The following UBA1 variants were observed in gnomAD, a reference collection of about 807,000 sequenced individuals.
The protein encoded by UBA1 is ubiquitin-like modifier-activating enzyme 1.
Under a neutral mutation model 84.7 loss-of-function variants are expected in UBA1, and 4 were observed. The observed-to-expected ratio is 0.05, with a 90% CI of 0.02 to 0.11. The LOEUF (loss-of-function observed/expected upper bound fraction) is 0.11, where lower values mean the gene tolerates loss of function less well. Ranked by LOEUF, UBA1 falls within the 10% of genes least tolerant of loss-of-function variation. The pLI, the probability that UBA1 is intolerant of heterozygous loss-of-function variation, is 1.00. For missense variants in UBA1, 513 were observed against 902.8 expected, an observed-to-expected ratio of 0.57 and a Z score of 5.53; for synonymous variants, 364 against 362.6, an observed-to-expected ratio of 1.00 and a Z score of -0.04.
intron 1 of UBA1, chrX:47,197,721 G>T (rs1220129418): frequency 2.7e-5 from 16 of 603,562 alleles, no homozygotes; most frequent in Non-Finnish European, 3.0e-5. Flanking sequence ...CTGGGTCAGG[G>T]TCATGGAGGG....
chrX:47,207,480 C>T (rs1476159199), intron 16 of UBA1, among the ~76,000 whole-genome samples: 2 of 112,140 alleles, frequency 1.8e-5, no homozygotes, highest in African/African-American at 6.5e-5. Flanking sequence ...TCATCCTGGG[C>T]TGCATATGGG....
chrX:47,199,522 G>C lies in UBA1; in HGVS notation c.388G>C (p.Val130Leu), dbSNP rs782523969. Residue 130 changes from valine (V) to leucine (L), a missense_variant, in exon 5 of 26, where the codon GTA (valine) becomes CTA (leucine). Around this residue, in one of 6 missense-constraint regions of UBA1, gnomAD observed 227 missense variants for 339.1 expected, o/e 0.67. Coordinates refer to ENST00000335972, the MANE Select transcript of UBA1 (RefSeq NM_003334.4). Reference protein sequence around the residue: ...EEDIGKNRAEVSQPRLAELNS... With the variant: ...EEDIGKNRAELSQPRLAELNS... The stretch of plus-strand genomic sequence containing the variant: ...GGACATCGGTAAAAACCGGGCCGAG[G>C]TATCACAGCCCCGCCTCGCTGAGCT... The C allele has an allele frequency of 1.1e-4, 139 of 1,209,996 alleles. No homozygotes were observed. The highest frequency in any genetic ancestry group is 1.4e-4 in the Non-Finnish European group (129 of 895,207).
Position 47,214,907 on chromosome X carries a change from A to T in UBA1, c.3155A>T (p.Tyr1052Phe). The T allele has an allele frequency of 8.3e-7, 1 of 1,209,056 alleles. No homozygotes were observed. Among genetic ancestry groups the T allele is most frequent in the Middle Eastern group, 2.3e-4 (1 of 4,347 alleles). ...AGCGGCGAGGATGTCGAGGTTCCCT[A>T]TGTCCGATACACCATCCGCTGACCC... ...DESGEDVEVP[Y>F]VRYTIR Residue 1052 changes from tyrosine to phenylalanine, a missense_variant, in exon 26 of 26, where the codon TAT (tyrosine) becomes TTT (phenylalanine). By Grantham distance (22) the Tyr-to-Phe change is conservative (BLOSUM62 3). Transcript: ENST00000335972.
intron 20 of UBA1, among the ~76,000 whole-genome samples, chrX:47,212,164 T>C (rs1936952257): frequency 9.1e-6 from 1 of 109,597 alleles, no homozygotes; most frequent in African/African-American, 3.3e-5. Context: ...ATCTCCACTT[T>C]CTCCTAACAT....
At chrX:47,192,194 G>A (rs943954419), upstream of UBA1, among the ~76,000 whole-genome samples, 70 of 111,211 alleles carry the variant, frequency 6.3e-4, 1 homozygote, top group Non-Finnish European at 5.7e-4. Flanking sequence ...GCTGGGCCGG[G>A]ATTCAAATTG....
At chrX:47,210,658 A>G (rs1936877740) in intron 18 of UBA1, among the ~76,000 whole-genome samples, 184 bp from the exon 19 acceptor site, 1 of 111,744 alleles carries the variant, frequency 8.9e-6, no homozygotes, top group African/African-American at 3.3e-5. Context: ...TCTCTCAGCC[A>G]GATCTCTGGT....
upstream of UBA1, chrX:47,191,718 A>G (rs1556784323): frequency 8.9e-6 from 1 of 112,089 alleles, no homozygotes; most frequent in East Asian, 2.8e-4. Context: ...AAACGAGTTC[A>G]TTGATGATTC....
Position 47,210,058 on chromosome X carries a change from C to T in UBA1, c.2134C>T (p.His712Tyr), listed in dbSNP as rs1556792901. Residue 712 changes from histidine (H) to tyrosine (Y), a missense_variant, in exon 18 of 26, where the codon CAC becomes TAC. His to Tyr is a moderately conservative substitution (Grantham distance 83). This residue lies in a region of UBA1 where 40 missense variants were observed against 138.3 expected (regional missense o/e 0.29). Transcript: ENST00000335972. ...GGCTGACTGCGTGACCTGGGCCTGC[C>T]ACCACTGGCACACCCAGTACTCGAA... ...TWADCVTWAC[H>Y]HWHTQYSNNI... 2 of 1,212,089 alleles carry T rather than the reference C, an allele frequency of 1.7e-6. No individual in the cohort carries two copies. Among genetic ancestry groups the T allele is most frequent in the South Asian group, 3.5e-5 (2 of 57,014 alleles).
At chrX:47,201,702 G>A (rs1936424408) in intron 8 of UBA1, 92 bp downstream of exon 8, 1 of 1,053,693 alleles carries the variant, frequency 9.5e-7, no homozygotes, top group South Asian at 2.0e-5. Flanking sequence ...CATGGCCCTT[G>A]GTTCAGAGTT....
rs1185350232 is a variant in UBA1, at chrX:47,214,820, C to G, written c.3068C>G (p.Ser1023Trp). The part of the protein sequence containing the change: ...QPMTEIVSRV[S>W]KRKLGRHVRA... ...ATGACAGAGATTGTGAGCCGTGTGTCGAAGCGAAAGCTGGGCCGCCACGTG... is the reference window on the plus strand; with the variant it reads ...ATGACAGAGATTGTGAGCCGTGTGTGGAAGCGAAAGCTGGGCCGCCACGTG... The change falls in exon 26 of 26, where the codon TCG becomes TGG. Residue 1023 changes from serine (S) to tryptophan (W), a missense_variant. Physicochemically the swap from Ser to Trp is radical, Grantham distance 177. Coordinates refer to ENST00000335972, the MANE Select transcript of UBA1 (RefSeq NM_003334.4). 8.3e-7 allele frequency: 1 copy of G among 1,211,496 alleles called. No homozygotes were observed. The highest frequency in any genetic ancestry group is 2.2e-5 in the Admixed American group (1 of 46,117).
intron 16 of UBA1, among the ~76,000 whole-genome samples, chrX:47,207,409 G>A (rs1936723094): frequency 1.8e-5 from 2 of 112,135 alleles, no homozygotes; most frequent in Non-Finnish European, 3.8e-5. Flanking sequence ...AAAAAGATCC[G>A]TGCATAAATC....
chrX:47,197,760 C>A, intron 1 of UBA1: 1 of 494,074 alleles, frequency 2.0e-6, no homozygotes, highest in Non-Finnish European at 2.5e-6. Context: ...GAGGAAGCAG[C>A]CTGGGCTTCA....
rs1556787980 is a variant in UBA1 at position 47,201,468 on chromosome X, C to T, written c.679-10C>T. 1 of 1,212,053 alleles carries T rather than the reference C, an allele frequency of 8.3e-7. No homozygotes were observed. Among genetic ancestry groups the T allele is most frequent in the African/African-American group, 1.7e-5 (1 of 57,875 alleles). ...GGCCTGTTTCTGAGACTCACTCTTC[C>T]TTTAACCAGGACAACCCCGGTGTGG... On this transcript the variant is annotated splice_polypyrimidine_tract_variant and intron_variant, in intron 7 of 25. Transcript: ENST00000335972.
chrX:47,212,913 C>T (rs1569217700), intron 22 of UBA1, 50 bp downstream of exon 22: 1 of 1,206,514 alleles, frequency 8.3e-7, no homozygotes, highest in Admixed American at 2.2e-5. Context: ...GTTTGAGTTA[C>T]CCACACTTAG....
At chrX:47,201,161 A>G in intron 6 of UBA1, 115 bp from the exon 7 acceptor site, 2 of 816,208 alleles carry the variant, frequency 2.5e-6, no homozygotes, top group Non-Finnish European at 3.6e-6. Flanking sequence ...ACCATCTTAC[A>G]TCCCAGCAGT....
upstream of UBA1, chrX:47,191,530 G>A (rs1308654580): frequency 8.9e-6 from 1 of 111,769 alleles, no homozygotes; most frequent in Non-Finnish European, 1.9e-5. Context: ...CTGAGCTGAC[G>A]AGGCGCCACC....
intron 14 of UBA1, chrX:47,205,440 G>A (rs1556790416): frequency 5.8e-6 from 2 of 343,401 alleles, no homozygotes; most frequent in Non-Finnish European, 1.2e-5. Flanking sequence ...TTTATGCTGA[G>A]CCCCTGCCAC....
At chrX:47,209,601 A>G in intron 16 of UBA1, 22 bp from the exon 17 acceptor site, 1 of 1,207,537 alleles carries the variant, frequency 8.3e-7, no homozygotes, top group Non-Finnish European at 1.1e-6. Flanking sequence ...GGCCACATGT[A>G]ATCTGTTTGC....
intron 14 of UBA1, 53 bp from the exon 15 acceptor site, chrX:47,205,895 T>G: frequency 1.0e-5 from 12 of 1,160,758 alleles, no homozygotes; most frequent in South Asian, 1.9e-5. Flanking sequence ...CACAAATAAG[T>G]GAGCTTTGTT....
Sources: gnomAD v4.1 joint callset for allele counts (sites outside exome capture counted in the v4.1 genomes callset) on GRCh38, gnomAD v4.1.1 for gene constraint, gnomAD v4.1.1 regional missense constraint, MANE v1.5 for transcripts, NCBI Gene and HGNC (gene_info 2026-07-23, HGNC 2026-07-21) for gene names.